The following DDX27 variants were observed in gnomAD, a reference collection of about 807,000 sequenced individuals.
The protein encoded by DDX27 is DEAD-box helicase 27.
A neutral mutation model predicts 99.3 loss-of-function variants in DDX27; 42 were observed. The observed-to-expected ratio is 0.42, with a 90% CI of 0.33 to 0.55. DDX27 has a LOEUF of 0.55. Ranked by LOEUF, DDX27 falls within the 20% of genes least tolerant of loss-of-function variation. The pLI is 0.07. For synonymous variants in DDX27, 329 were observed against 353.8 expected (o/e 0.93, Z 0.79); for missense variants, 798 against 976.8 (o/e 0.82, Z 2.44).
At position 49,236,301 on chromosome 20, in the gene DDX27, G is replaced by T. The variant is rs772165970; in HGVS notation, c.1510-32G>T. The T allele has an allele frequency of 6.4e-7, 1 of 1,568,402 alleles. No homozygotes were observed. Among genetic ancestry groups the T allele is most frequent in the Admixed American group, 1.8e-5 (1 of 54,882 alleles). ...TGCCTCTTCGCACCCCCCTTCCCTT[G>T]CCAGGCCTGACGTTCATTTTTGACC... On this transcript the variant is annotated intron_variant, in intron 13 of 20. Coordinates refer to ENST00000618172, the MANE Select transcript of DDX27 (RefSeq NM_017895.8). The surrounding 1 kb of genome is among the most constrained non-coding windows in gnomAD (Gnocchi z 4.1).
At chr20:49,229,650 C>CTTT (rs71186442) in intron 8 of DDX27, among the ~76,000 whole-genome samples, 58,500 of 134,106 alleles carry the variant, frequency 0.44, 14,319 homozygotes, top group Middle Eastern at 0.57. Context: ...CAGGCATTCT[C>CTTT]TTTTTTTTTT....
rs546992233 is a variant in DDX27 at position 49,243,932 on chromosome 20, A to C, written c.*98A>C. 214 of 1,459,108 alleles carry C rather than the reference A, an allele frequency of 1.5e-4. No homozygotes were observed. The highest frequency in any genetic ancestry group is 7.8e-4 in the East Asian group (34 of 43,648). 90.4% of individuals were successfully genotyped at this position (1,459,108 alleles called of 1,614,324 possible). The stretch of plus-strand genomic sequence containing the variant: ...CTGTCTTTTCTCCATTTGTTTAAAA[A>C]AAAAACAAAAACAAAAAACAACACT... On this transcript the variant is annotated 3_prime_UTR_variant, in exon 21 of 21. Coordinates refer to ENST00000618172, the MANE Select transcript of DDX27 (RefSeq NM_017895.8).
At chr20:49,227,293 C>T (rs923743965) in intron 7 of DDX27, among the ~76,000 whole-genome samples, 1 of 152,218 alleles carries the variant, frequency 6.6e-6, no homozygotes, top group Non-Finnish European at 1.5e-5. Flanking sequence ...AACTGTAGGA[C>T]AAAATCAAAA....
At position 49,243,893 on chromosome 20, in the gene DDX27, T is replaced by C; in HGVS notation, c.*59T>C. On this transcript the variant is annotated 3_prime_UTR_variant, in exon 21 of 21. Coordinates refer to ENST00000618172, the MANE Select transcript of DDX27 (RefSeq NM_017895.8). ...CCTTAAATCCCTTCCCTGTGGGAAGTCATCCTGGCTGGTCTGTCTTTTCTC... is the reference window on the plus strand; with the variant it reads ...CCTTAAATCCCTTCCCTGTGGGAAGCCATCCTGGCTGGTCTGTCTTTTCTC... The C allele has an allele frequency of 6.3e-7, 1 of 1,590,830 alleles. No homozygotes were observed. The highest frequency in any genetic ancestry group is 8.6e-7 in the Non-Finnish European group (1 of 1,160,932).
chr20:49,231,794 C>T (rs568139839), intron 9 of DDX27, among the ~76,000 whole-genome samples: 4 of 152,154 alleles, frequency 2.6e-5, no homozygotes, highest in Non-Finnish European at 5.9e-5. Context: ...TGCCCAGCAG[C>T]GCTGTCCCCA....
chr20:49,233,729 C>T lies in DDX27; in HGVS notation c.1273+20C>T, dbSNP rs762875362. 2 of 1,607,294 alleles carry T rather than the reference C, an allele frequency of 1.2e-6. No individual in the cohort carries two copies. Among genetic ancestry groups the T allele is most frequent in the Non-Finnish European group, 8.5e-7 (1 of 1,175,276 alleles). ...TGGCAGGTGGCAGCACAGGGCAAGC[C>T]TGGGCAGGGTGGGCTGGTCAGCTTC... On this transcript the variant is annotated intron_variant, in intron 11 of 20. Transcript: ENST00000618172.
intron 14 of DDX27, 184 bp from the exon 15 acceptor site, chr20:49,238,765 C>CTT (rs71186443): frequency 0.015 from 3,630 of 239,396 alleles, 274 homozygotes; most frequent in African/African-American, 0.025. Flanking sequence ...CTGTGCCTGG[C>CTT]TTTTTTTTTT....
intron 12 of DDX27, chr20:49,235,846 C>T (rs1980284160): frequency 5.4e-6 from 1 of 185,670 alleles, no homozygotes; most frequent in Non-Finnish European, 1.1e-5. Context: ...CAGGTTCACG[C>T]CATTCTCCTG....
rs755239748 is a variant in DDX27, at chr20:49,219,864, C to T, written c.93+323C>T. Among the ~76,000 whole-genome samples, 3 of 152,130 alleles carry T rather than the reference C, an allele frequency of 2.0e-5. No individual in the cohort carries two copies. In the East Asian group the frequency reaches 5.8e-4, roughly 29 times the overall value. ...GGTGAAGTCAGCCATGGTTCCTGCT[C>T]AAGGAGCCATGGTTAGCTGTCCTTT... On this transcript the variant is annotated intron_variant, in intron 1 of 20. Transcript: ENST00000618172.
At chr20:49,228,015 A>G (rs964439773) in intron 7 of DDX27, among the ~76,000 whole-genome samples, 6 of 150,480 alleles carry the variant, frequency 4.0e-5, no homozygotes, top group Admixed American at 6.6e-5. Context: ...TAATTTTTGT[A>G]TTTTTAGTAG....
chr20:49,220,795 T>A (rs1363389402), intron 1 of DDX27, among the ~76,000 whole-genome samples: 1 of 138,808 alleles, frequency 7.2e-6, no homozygotes, highest in East Asian at 2.2e-4. Context: ...TTGTTTGTGT[T>A]TGTTTTTCAA....
At chr20:49,239,095 A>C in intron 15 of DDX27, 40 bp downstream of exon 15, 1 of 1,570,424 alleles carries the variant, frequency 6.4e-7, no homozygotes, top group Non-Finnish European at 8.8e-7. Flanking sequence ...AAGGCTGCTC[A>C]GTAAGCAAGC....
intron 7 of DDX27, among the ~76,000 whole-genome samples, chr20:49,227,029 A>ATTT (rs1302647196): frequency 1.3e-5 from 2 of 148,490 alleles, no homozygotes; most frequent in Non-Finnish European, 3.0e-5. Context: ...CGCCCGGCTA[A>ATTT]TTTTTTGTAT....
rs1403652738 is a variant in DDX27, at chr20:49,236,687, G to A, written c.1687+177G>A. 6.6e-6 allele frequency among the ~76,000 whole-genome samples: 1 copy of A among 152,312 alleles called. No individual in the cohort carries two copies. Among genetic ancestry groups the A allele is most frequent in the African/African-American group, 2.4e-5 (1 of 41,568 alleles). On this transcript the variant is annotated intron_variant, in intron 14 of 20. Coordinates refer to ENST00000618172, the MANE Select transcript of DDX27 (RefSeq NM_017895.8). This position sits in a 1 kb window ranked among gnomAD's most constrained non-coding sequence, Gnocchi z 4.1. ...CCTCACCTCTCTGAGCTTGCCTCCT[G>A]TGTGTAGAAGGGAATTATGACAGAA...
At chr20:49,220,844 CA>C (rs371125470) in intron 1 of DDX27, among the ~76,000 whole-genome samples, 1 of 150,792 alleles carries the variant, frequency 6.6e-6, no homozygotes, top group East Asian at 2.0e-4. Flanking sequence ...CAAAACAAAA[CA>C]AAAAAAACTC....
At chr20:49,231,984 A>G (rs1417526085) in intron 9 of DDX27, among the ~76,000 whole-genome samples, 1 of 151,082 alleles carries the variant, frequency 6.6e-6, no homozygotes, top group East Asian at 2.0e-4. Context: ...TCCTAGACTC[A>G]GGTGATCCTC....
At position 49,239,314 on chromosome 20, in the gene DDX27, AAAG is replaced by A. The variant is rs984234994; in HGVS notation, c.1878_1880del (p.Glu627del). On this transcript the variant is annotated inframe_deletion, in exon 16 of 21. Coordinates refer to ENST00000618172, the MANE Select transcript of DDX27 (RefSeq NM_017895.8). ...GCCCGAGAGGAGCTGGTTCCAGACC[AAAG>A]AAGAGAGGAAGAAGGAGAAAAGTAA... 1.7e-5 allele frequency: 27 copies of A among 1,612,168 alleles called. No individual in the cohort carries two copies. The Admixed American group carries it at 2.8e-4, about 17-fold the overall frequency.
intron 6 of DDX27, 40 bp downstream of exon 6, chr20:49,225,239 G>A: frequency 6.7e-7 from 1 of 1,502,422 alleles, no homozygotes. Context: ...GTAGAAGCAT[G>A]GTCTTGCTAT....
At chr20:49,228,068 T>G (rs1322020398) in intron 7 of DDX27, among the ~76,000 whole-genome samples, 1 of 151,724 alleles carries the variant, frequency 6.6e-6, no homozygotes, top group Non-Finnish European at 1.5e-5. Flanking sequence ...CTTGAACCCC[T>G]GACCTCATGA....
Sources: gnomAD v4.1 joint callset for allele counts (sites outside exome capture counted in the v4.1 genomes callset) on GRCh38, gnomAD v4.1.1 for gene constraint, Gnocchi (gnomAD v3.1) non-coding constraint, MANE v1.5 for transcripts, NCBI Gene and HGNC (gene_info 2026-07-23, HGNC 2026-07-21) for gene names.